CDH8: variants seen among roughly 807,000 people sequenced by gnomAD.
CDH8 encodes cadherin 8.
A neutral mutation model predicts 68.1 loss-of-function variants in CDH8; 17 were observed. The observed-to-expected ratio is 0.25, with a 90% CI of 0.17 to 0.37. CDH8 has a LOEUF of 0.37. Among genes scored for constraint, CDH8 ranks in the 10% least tolerant of loss-of-function variants. The probability of loss-of-function intolerance (pLI) is 1.00; values close to 1 mark genes in which losing one functional copy is unlikely to be tolerated. For missense variants in CDH8, 763 were observed against 999.3 expected, an observed-to-expected ratio of 0.76 and a Z score of 3.19; for synonymous variants, 372 against 365.1, an observed-to-expected ratio of 1.02 and a Z score of -0.21.
chr16:61,764,103 T>C (rs1324300552), intron 8 of CDH8, among the ~76,000 whole-genome samples: 9 of 152,094 alleles, frequency 5.9e-5, no homozygotes, highest in African/African-American at 1.9e-4. Flanking sequence ...GTGCAAAATA[T>C]GGCTTCTCTA....
chr16:61,778,728 A>C (rs565880451), intron 8 of CDH8, among the ~76,000 whole-genome samples: 1 of 152,304 alleles, frequency 6.6e-6, no homozygotes, highest in South Asian at 2.1e-4. Flanking sequence ...ACAGACGAGG[A>C]AACTGAGAGT....
rs541645686 is a variant in CDH8 at position 61,944,240 on chromosome 16, CA to C, written c.253-42768del. Among the ~76,000 whole-genome samples, 350 of 152,308 alleles carry C rather than the reference CA, an allele frequency of 2.3e-3. 1 individual carries two copies. The highest frequency in any genetic ancestry group is 6.8e-3 in the Middle Eastern group (2 of 294). ...CATGAGTGCCCCGTGAATTTTGCAACACTCAGTTGAGAAGCACAAAGTGACA... is the reference window on the plus strand; with the variant it reads ...CATGAGTGCCCCGTGAATTTTGCAACCTCAGTTGAGAAGCACAAAGTGACA... On this transcript the variant is annotated intron_variant, in intron 2 of 11. Coordinates refer to ENST00000577390, the MANE Select transcript of CDH8 (RefSeq NM_001796.5).
At chr16:61,992,502 T>C (rs979427361) in intron 2 of CDH8, among the ~76,000 whole-genome samples, 1 of 148,952 alleles carries the variant, frequency 6.7e-6, no homozygotes, top group Non-Finnish European at 1.5e-5. Flanking sequence ...AATGACGAGT[T>C]AATGGGTGCA....
chr16:61,739,445 C>G (rs923528683), intron 8 of CDH8, among the ~76,000 whole-genome samples: 1 of 151,816 alleles, frequency 6.6e-6, no homozygotes, highest in Non-Finnish European at 1.5e-5. Flanking sequence ...ACCTCACTCT[C>G]TCTTTGAAGT....
chr16:61,654,792 A>G (rs1372114729), intron 11 of CDH8, among the ~76,000 whole-genome samples: 1 of 152,166 alleles, frequency 6.6e-6, no homozygotes, highest in Non-Finnish European at 1.5e-5. Context: ...TGGAACAAGA[A>G]AGACAGTAAC....
intron 3 of CDH8, among the ~76,000 whole-genome samples, chr16:61,863,410 A>G (rs1963192139): frequency 6.6e-6 from 1 of 152,160 alleles, no homozygotes; most frequent in African/African-American, 2.4e-5. Flanking sequence ...GTTTGCTGAT[A>G]AACTAAGATG....
chr16:61,680,873 A>C (rs1002616452), intron 10 of CDH8, among the ~76,000 whole-genome samples: 2 of 152,112 alleles, frequency 1.3e-5, no homozygotes, highest in African/African-American at 2.4e-5. Context: ...AAGAACAAAT[A>C]AATGTGCCAA....
intron 9 of CDH8, among the ~76,000 whole-genome samples, chr16:61,720,104 T>A (rs1959206002): frequency 6.6e-6 from 1 of 150,860 alleles, no homozygotes; most frequent in Non-Finnish European, 1.5e-5. Context: ...CCTCTAAAAC[T>A]CCATTTGAGT....
intron 10 of CDH8, among the ~76,000 whole-genome samples, chr16:61,669,139 A>G (rs1963740633): frequency 6.6e-6 from 1 of 152,008 alleles, no homozygotes; most frequent in African/African-American, 2.4e-5. Flanking sequence ...CTCCCTGAAG[A>G]TTTTGCATTC....
chr16:61,928,019 A>G (rs76104188), intron 2 of CDH8, among the ~76,000 whole-genome samples: 6,942 of 152,270 alleles, frequency 0.046, 525 homozygotes, highest in African/African-American at 0.16. Context: ...TTTGCATGCA[A>G]TAGTTGCACT....
At chr16:62,024,573 A>AGT (rs1902151616) in intron 1 of CDH8, among the ~76,000 whole-genome samples, 4 of 152,174 alleles carry the variant, frequency 2.6e-5, no homozygotes, top group Non-Finnish European at 4.4e-5. Flanking sequence ...CCTCTACCTG[A>AGT]ACTCACCAGA....
chr16:61,821,405 A>G (rs1962212791), intron 5 of CDH8, among the ~76,000 whole-genome samples: 1 of 152,056 alleles, frequency 6.6e-6, no homozygotes. Context: ...CAGTTATATC[A>G]AGACTATTAG....
At chr16:61,827,727 C>G (rs1962371399) in intron 4 of CDH8, among the ~76,000 whole-genome samples, 2 of 151,700 alleles carry the variant, frequency 1.3e-5, no homozygotes, top group Non-Finnish European at 2.9e-5. Flanking sequence ...TTACCCTCCC[C>G]CATTGAGGTA....
At chr16:61,832,380 AT>A (rs374029291) in intron 4 of CDH8, among the ~76,000 whole-genome samples, 5,284 of 149,864 alleles carry the variant, frequency 0.035, 128 homozygotes, top group Middle Eastern at 0.082. Flanking sequence ...AGATAGATAG[AT>A]ACATAGAGAA....
intron 2 of CDH8, among the ~76,000 whole-genome samples, chr16:61,923,479 C>G (rs189115644): frequency 1.3e-5 from 2 of 152,034 alleles, no homozygotes; most frequent in Admixed American, 1.3e-4. Context: ...CATCACAAAA[C>G]ATGGGTCTGA....
chr16:61,694,947 A>C (rs1004781990), intron 10 of CDH8, among the ~76,000 whole-genome samples: 1 of 151,676 alleles, frequency 6.6e-6, no homozygotes, highest in African/African-American at 2.4e-5. Context: ...ACGCCTGGCT[A>C]ATTTTTGTAT....
chr16:61,706,406 AG>A (rs776033722), intron 10 of CDH8, among the ~76,000 whole-genome samples: 106 of 152,178 alleles, frequency 7.0e-4, no homozygotes, highest in Admixed American at 2.2e-3. Flanking sequence ...TCACGAGGTC[AG>A]GAGATCGAGA....
chr16:62,002,325 TC>T (rs1179475586), intron 2 of CDH8, among the ~76,000 whole-genome samples: 2 of 152,298 alleles, frequency 1.3e-5, no homozygotes, highest in East Asian at 3.9e-4. Context: ...AGACTATATA[TC>T]AGAAAAGTTT....
At chr16:61,743,549 G>C (rs537453941) in intron 8 of CDH8, 2 of 152,158 alleles carry the variant, frequency 1.3e-5, no homozygotes, top group African/African-American at 4.8e-5. Flanking sequence ...TTGATGACTT[G>C]CCTTCTTATT....
Sources: allele counts gnomAD v4.1 joint callset (sites outside exome capture counted in the v4.1 genomes callset), GRCh38; gene constraint gnomAD v4.1.1; transcripts MANE v1.5; gene names NCBI Gene and HGNC (gene_info 2026-07-23, HGNC 2026-07-21).